The following MIB1 variants were observed in gnomAD, a reference collection of about 807,000 sequenced individuals.
MIB1 encodes the protein E3 ubiquitin-protein ligase MIB1.
Under a neutral mutation model 124.5 loss-of-function variants are expected in MIB1, and 278 were observed. The ratio of observed to expected loss-of-function variants is 2.23; its 90% CI spans 2.02 to 2.47. The LOEUF (loss-of-function observed/expected upper bound fraction) is 2.47. MIB1 is among the 30% of genes most tolerant of loss of function. The pLI is 0.00. For synonymous variants in MIB1, 446 were observed against 429.4 expected (o/e 1.04, Z -0.48); for missense variants, 957 against 1,254.4 (o/e 0.76, Z 3.58).
In MIB1 at chr18:21,865,496, G is replaced by T. The variant is rs2042313883; in HGVS notation, c.*830G>T. 1 of 152,256 alleles carries T rather than the reference G, an allele frequency of 6.6e-6. No homozygotes were observed. The highest frequency in any genetic ancestry group is 6.5e-5 in the Admixed American group (1 of 15,272). The allele number at this position is 152,256 out of a possible 1,614,324, so 9.4% of individuals were successfully genotyped here. ...GCCAGTGTTTTTAAAAAAAATCTAT[G>T]AAAAGTGTACTTCCGGTTTTCTGTG... On this transcript the variant is annotated 3_prime_UTR_variant, in exon 21 of 21. Transcript: ENST00000261537.
At chr18:21,728,477 G>C (rs1205505169) in intron 1 of MIB1, among the ~76,000 whole-genome samples, 1 of 151,614 alleles carries the variant, frequency 6.6e-6, no homozygotes, top group Non-Finnish European at 1.5e-5. Context: ...TGGGAGACGA[G>C]AAAAAAACTC....
intron 1 of MIB1, among the ~76,000 whole-genome samples, chr18:21,749,924 GAGCC>G (rs2040955205): frequency 6.6e-6 from 1 of 151,760 alleles, no homozygotes; most frequent in Non-Finnish European, 1.5e-5. Flanking sequence ...TTACAGGCAT[GAGCC>G]ATCACACCTG....
At chr18:21,743,396 T>C (rs1006579003) in intron 1 of MIB1, among the ~76,000 whole-genome samples, 3 of 152,264 alleles carry the variant, frequency 2.0e-5, no homozygotes, top group African/African-American at 7.2e-5. Flanking sequence ...ACCAGGACTT[T>C]ATCGATGGGC....
At chr18:21,733,659 G>A (rs1216745954) in intron 1 of MIB1, among the ~76,000 whole-genome samples, 8 of 152,066 alleles carry the variant, frequency 5.3e-5, no homozygotes, top group Non-Finnish European at 8.8e-5. Flanking sequence ...TGAGCTGGAG[G>A]GTCTGCTGCT....
intron 20 of MIB1, among the ~76,000 whole-genome samples, chr18:21,861,246 A>T (rs1218835196): frequency 1.3e-5 from 2 of 152,122 alleles, no homozygotes; most frequent in Admixed American, 6.5e-5. Flanking sequence ...GTTCTAATAT[A>T]AAATAAAACA....
chr18:21,742,225 G>A (rs950968586), intron 1 of MIB1, among the ~76,000 whole-genome samples: 2 of 151,090 alleles, frequency 1.3e-5, no homozygotes, highest in African/African-American at 2.4e-5. Context: ...GTGCTCAGCT[G>A]ACCGTTTATA....
At chr18:21,800,072 A>T in intron 9 of MIB1, 98 bp downstream of exon 9, 1 of 893,956 alleles carries the variant, frequency 1.1e-6, no homozygotes, top group Non-Finnish European at 1.6e-6. Context: ...GATGTGCTTC[A>T]TTTATTTCTT....
chr18:21,768,555 T>C, intron 2 of MIB1, 68 bp from the exon 3 acceptor site: 4 of 1,137,768 alleles, frequency 3.5e-6, no homozygotes, highest in Middle Eastern at 3.0e-4. Context: ...TTTATAATTT[T>C]GTTTTAAAAA....
At chr18:21,817,760 T>C (rs544205646) in intron 11 of MIB1, 16 of 401,014 alleles carry the variant, frequency 4.0e-5, no homozygotes, top group African/African-American at 2.9e-4. Flanking sequence ...GTTTGCACTT[T>C]CATATTCCTG....
chr18:21,835,863 AAG>A (rs1319973017), intron 12 of MIB1, among the ~76,000 whole-genome samples: 3 of 134,132 alleles, frequency 2.2e-5, no homozygotes, highest in African/African-American at 8.0e-5. Flanking sequence ...AGTATTGGGA[AAG>A]AGGAGGGGGC....
chr18:21,727,169 G>C (rs771558195), intron 1 of MIB1, among the ~76,000 whole-genome samples: 1 of 152,108 alleles, frequency 6.6e-6, no homozygotes, highest in South Asian at 2.1e-4. Flanking sequence ...GAGTGCAGTA[G>C]TGTGAACTCA....
intron 10 of MIB1, among the ~76,000 whole-genome samples, chr18:21,808,902 A>G (rs1232207155): frequency 2.0e-5 from 3 of 152,082 alleles, no homozygotes; most frequent in African/African-American, 7.2e-5. Context: ...TGCTTAAGTT[A>G]TAAGGACATT....
intron 4 of MIB1, among the ~76,000 whole-genome samples, chr18:21,775,787 ATGT>A (rs2041278393): frequency 6.6e-6 from 1 of 152,136 alleles, no homozygotes; most frequent in South Asian, 2.1e-4. Flanking sequence ...ATGGCCGAGT[ATGT>A]TGTTGTGCCA....
chr18:21,798,206 A>G lies in MIB1; in HGVS notation c.1215A>G (p.Ser405=). Residue 405 remains serine, a synonymous_variant, in exon 8 of 21, where the codon TCA becomes TCG. Transcript: ENST00000261537. ...AAVSKVASAG[S]AISNASGERL... is the part of the protein sequence containing the mutation. ...TTTCCAAGGTGGCATCTGCAGGATC[A>G]GCCATTAGCAATGCATCTGGTGGTA... 1.2e-6 allele frequency: 2 copies of G among 1,613,194 alleles called. No homozygotes were observed. The highest frequency in any genetic ancestry group is 1.7e-6 in the Non-Finnish European group (2 of 1,179,334).
chr18:21,799,636 T>C (rs2041627765), intron 8 of MIB1, among the ~76,000 whole-genome samples: 1 of 152,034 alleles, frequency 6.6e-6, no homozygotes, highest in Non-Finnish European at 1.5e-5. Context: ...TATACATGAA[T>C]TGGAGAAAAC....
At chr18:21,750,529 G>C (rs1449905011) in intron 1 of MIB1, among the ~76,000 whole-genome samples, 1 of 152,070 alleles carries the variant, frequency 6.6e-6, no homozygotes. Context: ...GGGTTTCACC[G>C]TGTTAGCCAT....
intron 1 of MIB1, among the ~76,000 whole-genome samples, chr18:21,749,922 A>G (rs1216416894): frequency 6.6e-6 from 1 of 151,786 alleles, no homozygotes; most frequent in Non-Finnish European, 1.5e-5. Flanking sequence ...GATTACAGGC[A>G]TGAGCCATCA....
chr18:21,813,926 G>T (rs2041801624), intron 10 of MIB1, among the ~76,000 whole-genome samples: 1 of 152,136 alleles, frequency 6.6e-6, no homozygotes, highest in South Asian at 2.1e-4. Flanking sequence ...AATTTGCAAT[G>T]CAGTATTGGA....
chr18:21,798,875 A>G (rs2041616548), intron 8 of MIB1, among the ~76,000 whole-genome samples: 1 of 152,152 alleles, frequency 6.6e-6, no homozygotes, highest in Non-Finnish European at 1.5e-5. Context: ...AGATAGAACT[A>G]TAACTATAAA....
Sources: gnomAD v4.1 joint callset for allele counts (sites outside exome capture counted in the v4.1 genomes callset) on GRCh38, gnomAD v4.1.1 for gene constraint, MANE v1.5 for transcripts, NCBI Gene and HGNC (gene_info 2026-07-23, HGNC 2026-07-21) for gene names.